The following FGFR2 variants were observed in gnomAD, a reference collection of about 807,000 sequenced individuals.
FGFR2 encodes fibroblast growth factor receptor 2.
A neutral mutation model predicts 95.9 loss-of-function variants in FGFR2; 19 were observed. That is an observed-to-expected ratio of 0.20 (90% CI 0.14 to 0.29). FGFR2 has a LOEUF of 0.29. FGFR2 is among the 10% of genes least tolerant of loss of function. The pLI is 1.00. For missense variants in FGFR2, 707 were observed against 1,056.9 expected (o/e 0.67, Z 4.59); for synonymous variants, 392 against 393.3 (o/e 1.00, Z 0.04).
At chr10:121,523,636 T>C (rs1389090327) in intron 6 of FGFR2, among the ~76,000 whole-genome samples, 1 of 152,228 alleles carries the variant, frequency 6.6e-6, no homozygotes, top group Non-Finnish European at 1.5e-5. Context: ...GGTTTATTCC[T>C]TCACACAGAA....
At chr10:121,583,517 C>T (rs1042867386) in intron 2 of FGFR2, 1 of 152,264 alleles carries the variant, frequency 6.6e-6, no homozygotes, top group African/African-American at 2.4e-5. Flanking sequence ...CATTGGTCTC[C>T]TTGGCAGCAG....
At chr10:121,488,255 G>A (rs553146603) in intron 13 of FGFR2, 142 bp from the exon 14 acceptor site, 3 of 1,183,054 alleles carry the variant, frequency 2.5e-6, no homozygotes, top group African/African-American at 3.1e-5. Flanking sequence ...AAGAAATACA[G>A]TGTGGCCGGG....
intron 2 of FGFR2, among the ~76,000 whole-genome samples, chr10:121,580,595 G>A (rs561080451): frequency 2.6e-5 from 4 of 152,262 alleles, no homozygotes; most frequent in East Asian, 1.9e-4. Context: ...GGCGGGACAC[G>A]GTCCCAGCTG....
chr10:121,571,456 C>T (rs539653439), intron 2 of FGFR2, among the ~76,000 whole-genome samples: 2 of 151,860 alleles, frequency 1.3e-5, no homozygotes, highest in East Asian at 2.0e-4. Flanking sequence ...TGCCATCACG[C>T]CTGGGAATTT....
intron 2 of FGFR2, among the ~76,000 whole-genome samples, chr10:121,583,930 G>A (rs1368397717): frequency 1.3e-5 from 2 of 152,042 alleles, no homozygotes; most frequent in Non-Finnish European, 2.9e-5. Flanking sequence ...AACCCAAGAT[G>A]TTCTGGGTTA....
chr10:121,521,969 A>G (rs1045050866), intron 6 of FGFR2, among the ~76,000 whole-genome samples: 1 of 152,212 alleles, frequency 6.6e-6, no homozygotes. Flanking sequence ...AGCCATGAAG[A>G]AGGAGGAAAT....
chr10:121,577,579 A>T (rs894476640), intron 2 of FGFR2, among the ~76,000 whole-genome samples: 2 of 152,146 alleles, frequency 1.3e-5, no homozygotes, highest in Non-Finnish European at 2.9e-5. Flanking sequence ...TCTTATGGAC[A>T]GGAACATGTC....
Position 121,575,862 on chromosome 10 carries a change from T to A in FGFR2, c.110-10158A>T, listed in dbSNP as rs528937751. Among the ~76,000 whole-genome samples the A allele has an allele frequency of 1.0e-3, 46 of 44,276 alleles. 1 individual carries two copies. The highest frequency in any genetic ancestry group is 5.0e-3 in the Admixed American group (23 of 4,598). 29.0% of individuals were successfully genotyped at this position (44,276 alleles called of 152,430 possible). A position where few individuals can be genotyped will look rare whatever the true frequency, so the allele number is the denominator to read the frequency against. ...AGAGCGAGACTTCATCTCAAAAAAA[T>A]AAATAAATAAATAAAAATAATAATA... On this transcript the variant is annotated intron_variant, in intron 2 of 17. Transcript: ENST00000358487.
intron 2 of FGFR2, among the ~76,000 whole-genome samples, chr10:121,580,262 A>AATCAACTTTAGCCCCTTT (rs1860627685): frequency 1.3e-5 from 2 of 152,120 alleles, no homozygotes; most frequent in Non-Finnish European, 2.9e-5. Flanking sequence ...AGTTGATTTA[A>AATCAACTTTAGCCCCTTT]AGGGCTCGGC....
In FGFR2 at chr10:121,551,560, T is replaced by C. The variant is rs144687869; in HGVS notation, c.455-101A>G. Reference sequence around the variant, plus strand: ...ATCATTTCGCTTTGCATGTAAATGCTAGGCTATTTTTTAAATCTTTGGGTA... The same window carrying C: ...ATCATTTCGCTTTGCATGTAAATGCCAGGCTATTTTTTAAATCTTTGGGTA... On this transcript the variant is annotated intron_variant, in intron 4 of 17. Transcript: ENST00000358487. 1.2e-4 allele frequency: 123 copies of C among 1,069,182 alleles called. 1 individual carries two copies. The African/African-American group carries it at 1.6e-3, about 14-fold the overall frequency. 66.2% of individuals were successfully genotyped at this position (1,069,182 alleles called of 1,614,324 possible). A position where few individuals can be genotyped will look rare whatever the true frequency, so the allele number is the denominator to read the frequency against.
chr10:121,565,769 A>G (rs564572737), intron 2 of FGFR2, 65 bp from the exon 3 acceptor site: 2 of 1,601,836 alleles, frequency 1.2e-6, no homozygotes, highest in East Asian at 2.2e-5. Context: ...AGAACGTCCA[A>G]CAAAGGTCAG....
At chr10:121,502,918 C>G (rs1847785881) in intron 10 of FGFR2, among the ~76,000 whole-genome samples, 1 of 152,174 alleles carries the variant, frequency 6.6e-6, no homozygotes, top group Admixed American at 6.5e-5. Flanking sequence ...ATTCTGCCCA[C>G]TGACTCCATG....
intron 5 of FGFR2, among the ~76,000 whole-genome samples, chr10:121,550,275 T>G (rs1350989923): frequency 3.9e-5 from 6 of 152,154 alleles, no homozygotes; most frequent in Non-Finnish European, 7.3e-5. Flanking sequence ...TTGCCAGAGT[T>G]CTCCTCTGCC....
intron 2 of FGFR2, among the ~76,000 whole-genome samples, chr10:121,584,133 G>A (rs1861392717): frequency 1.3e-5 from 2 of 151,828 alleles, no homozygotes; most frequent in South Asian, 4.2e-4. Flanking sequence ...CTCCATAGGG[G>A]TATCATGTGC....
chr10:121,519,285 C>T (rs1256499466), intron 7 of FGFR2, among the ~76,000 whole-genome samples: 1 of 152,126 alleles, frequency 6.6e-6, no homozygotes, highest in Admixed American at 6.5e-5. Flanking sequence ...TGTCCTCAGT[C>T]TCCTGAAGAG....
chr10:121,550,058 T>C (rs1455443045), intron 5 of FGFR2, among the ~76,000 whole-genome samples: 1 of 152,228 alleles, frequency 6.6e-6, no homozygotes, highest in Admixed American at 6.5e-5. Context: ...TATGCTCAAT[T>C]ATTACAGTTC....
chr10:121,514,005 A>G (rs1489167573), intron 9 of FGFR2, among the ~76,000 whole-genome samples: 1 of 152,152 alleles, frequency 6.6e-6, no homozygotes. Context: ...CATGCCTGGA[A>G]TTAACCTGGA....
intron 4 of FGFR2, chr10:121,564,214 A>G (rs1857352083): frequency 2.1e-6 from 1 of 481,130 alleles, no homozygotes; most frequent in African/African-American, 1.9e-5. Context: ...ATGTCTCTGA[A>G]TAGGGAGAAG....
At chr10:121,561,715 C>A (rs574966644) in intron 4 of FGFR2, among the ~76,000 whole-genome samples, 85 of 152,294 alleles carry the variant, frequency 5.6e-4, no homozygotes, top group Middle Eastern at 3.4e-3. Flanking sequence ...TTAAAAATTT[C>A]TGCTCTGCAA....
Sources: gnomAD v4.1 joint callset for allele counts (sites outside exome capture counted in the v4.1 genomes callset) on GRCh38, gnomAD v4.1.1 for gene constraint, MANE v1.5 for transcripts, NCBI Gene and HGNC (gene_info 2026-07-23, HGNC 2026-07-21) for gene names.